CLSTN2: variants seen among roughly 807,000 people sequenced by gnomAD.
CLSTN2 encodes the protein calsyntenin-2.
CLSTN2 carries 48 observed loss-of-function variants against 101.2 expected under a neutral mutation model. That is an observed-to-expected ratio of 0.47 (90% CI 0.38 to 0.60). The LOEUF is 0.60. CLSTN2 is among the 20% of genes least tolerant of loss of function. CLSTN2 has a pLI of 0.00. For missense variants in CLSTN2, 1,160 were observed against 1,238.2 expected, an observed-to-expected ratio of 0.94 and a Z score of 0.95; for synonymous variants, 481 against 463.6, an observed-to-expected ratio of 1.04 and a Z score of -0.48.
At position 140,142,716 on chromosome 3, in the gene CLSTN2, A is replaced by T. The variant is rs560847590; in HGVS notation, c.110-33235A>T. Among the ~76,000 whole-genome samples, 11 of 152,268 alleles carry T rather than the reference A, an allele frequency of 7.2e-5. 1 individual carries two copies. In the South Asian group the frequency reaches 2.3e-3, roughly 32 times the overall value. On this transcript the variant is annotated intron_variant, in intron 1 of 16. Transcript: ENST00000458420. Reference sequence around the variant, plus strand: ...GTCGGTGCTGTTGGGTCCTTTCGTGACCTGGAGAGAAACCCAGAGAAGAAG... The same window carrying T: ...GTCGGTGCTGTTGGGTCCTTTCGTGTCCTGGAGAGAAACCCAGAGAAGAAG...
At chr3:140,292,368 A>C (rs1159225402) in intron 2 of CLSTN2, among the ~76,000 whole-genome samples, 1 of 152,190 alleles carries the variant, frequency 6.6e-6, no homozygotes, top group East Asian at 1.9e-4. Context: ...TCACCCAGTT[A>C]ACTATGTTGT....
At chr3:140,404,809 T>A (rs772969233) in intron 4 of CLSTN2, 43 bp downstream of exon 4, 2 of 1,515,208 alleles carry the variant, frequency 1.3e-6, no homozygotes, top group Non-Finnish European at 1.8e-6. Context: ...GGAAAACAAA[T>A]CCATCGCCTC....
At chr3:140,211,844 C>T (rs1191387065) in intron 2 of CLSTN2, among the ~76,000 whole-genome samples, 4 of 152,128 alleles carry the variant, frequency 2.6e-5, no homozygotes, top group South Asian at 2.1e-4. Context: ...AAGAAAGAAA[C>T]GGATGCTTTT....
intron 2 of CLSTN2, among the ~76,000 whole-genome samples, chr3:140,282,462 T>C (rs2086857334): frequency 6.6e-6 from 1 of 152,114 alleles, no homozygotes; most frequent in South Asian, 2.1e-4. Flanking sequence ...CTGCTGCATA[T>C]AGAAGAAAGA....
intron 9 of CLSTN2, among the ~76,000 whole-genome samples, chr3:140,540,837 G>C (rs1010354382): frequency 2.0e-5 from 3 of 152,200 alleles, no homozygotes; most frequent in African/African-American, 7.2e-5. Context: ...TATTTATCAT[G>C]TGTGAGCCCC....
chr3:140,065,351 G>A (rs2008281767), intron 1 of CLSTN2, among the ~76,000 whole-genome samples: 5 of 152,204 alleles, frequency 3.3e-5, no homozygotes, highest in Admixed American at 2.0e-4. Flanking sequence ...GTCATCTAGG[G>A]AGCCCCTTAC....
At chr3:140,045,910 C>T (rs1401049381) in intron 1 of CLSTN2, among the ~76,000 whole-genome samples, 4 of 152,190 alleles carry the variant, frequency 2.6e-5, no homozygotes, top group Non-Finnish European at 5.9e-5. Context: ...TGTTCTTTTA[C>T]ATTTGCTGAT....
At chr3:140,151,604 T>A (rs2009867061) in intron 1 of CLSTN2, among the ~76,000 whole-genome samples, 1 of 152,062 alleles carries the variant, frequency 6.6e-6, no homozygotes, top group Non-Finnish European at 1.5e-5. Context: ...GTCGGGAGGA[T>A]GCCTTGGAGG....
chr3:140,118,895 G>T (rs1016038598), intron 1 of CLSTN2, among the ~76,000 whole-genome samples: 2 of 152,172 alleles, frequency 1.3e-5, no homozygotes, highest in African/African-American at 4.8e-5. Flanking sequence ...TTCCTCTGGT[G>T]GTGGTCTTAT....
intron 1 of CLSTN2, among the ~76,000 whole-genome samples, chr3:140,027,112 C>T (rs2007437572): frequency 6.6e-6 from 1 of 152,276 alleles, no homozygotes; most frequent in East Asian, 1.9e-4. Context: ...AATTGTCAGC[C>T]CAGGGCGTTC....
At chr3:140,276,445 G>A (rs1037207780) in intron 2 of CLSTN2, among the ~76,000 whole-genome samples, 10 of 152,188 alleles carry the variant, frequency 6.6e-5, no homozygotes, top group African/African-American at 2.4e-4. Context: ...GTAGAGGAAA[G>A]GCAGCCACCA....
At chr3:140,014,072 G>C (rs753534114) in intron 1 of CLSTN2, among the ~76,000 whole-genome samples, 2 of 152,184 alleles carry the variant, frequency 1.3e-5, no homozygotes, top group Non-Finnish European at 2.9e-5. Context: ...TAGCCAAGAG[G>C]ACCTCAGGTC....
chr3:140,126,630 G>A (rs2009437903), intron 1 of CLSTN2, among the ~76,000 whole-genome samples: 1 of 152,140 alleles, frequency 6.6e-6, no homozygotes, highest in Non-Finnish European at 1.5e-5. Flanking sequence ...GGCATAAAGG[G>A]AGACACAGTG....
At chr3:140,364,590 G>A (rs1432927934) in intron 2 of CLSTN2, among the ~76,000 whole-genome samples, 5 of 152,160 alleles carry the variant, frequency 3.3e-5, no homozygotes, top group Non-Finnish European at 7.3e-5. Context: ...GGGGTAGGGA[G>A]TGAGCAGCTT....
rs1985439427 is a variant in CLSTN2, at chr3:140,569,191, G to GA, written c.*2943dup. 6.6e-6 allele frequency: 1 copy of GA among 152,222 alleles called. No homozygotes were observed. The highest frequency in any genetic ancestry group is 6.5e-5 in the Admixed American group (1 of 15,278). The allele number at this position is 152,222 out of a possible 1,614,324, so 9.4% of individuals were successfully genotyped here. On this transcript the variant is annotated 3_prime_UTR_variant, in exon 17 of 17. Coordinates refer to ENST00000458420, the MANE Select transcript of CLSTN2 (RefSeq NM_022131.3). ...CCTCCCCCAGATATTCTGATCCCAA[G>GA]AAAAAGGTGTCATTAATCAGTCTGG...
At chr3:140,125,322 G>A (rs998311860) in intron 1 of CLSTN2, among the ~76,000 whole-genome samples, 3 of 152,096 alleles carry the variant, frequency 2.0e-5, no homozygotes, top group Non-Finnish European at 4.4e-5. Context: ...GACCATTCAG[G>A]ACAGAGAGGG....
intron 8 of CLSTN2, among the ~76,000 whole-genome samples, chr3:140,515,946 C>T (rs1222930745): frequency 6.6e-6 from 1 of 151,896 alleles, no homozygotes; most frequent in African/African-American, 2.4e-5. Context: ...ATTAAAGCCC[C>T]CACTATTATT....
intron 1 of CLSTN2, among the ~76,000 whole-genome samples, chr3:140,139,173 G>A: frequency 6.6e-6 from 1 of 152,184 alleles, no homozygotes; most frequent in East Asian, 1.9e-4. Flanking sequence ...GCATGTTGCA[G>A]TAGAGTGAAC....
At chr3:140,240,152 G>GC (rs2086448596) in intron 2 of CLSTN2, among the ~76,000 whole-genome samples, 5 of 62,796 alleles carry the variant, frequency 8.0e-5, no homozygotes, top group Non-Finnish European at 1.4e-4. Flanking sequence ...CTCTCTCTCT[G>GC]TCTCTCTCTC....
Sources: gnomAD v4.1 joint callset for allele counts (sites outside exome capture counted in the v4.1 genomes callset) on GRCh38, gnomAD v4.1.1 for gene constraint, MANE v1.5 for transcripts, NCBI Gene and HGNC (gene_info 2026-07-23, HGNC 2026-07-21) for gene names.